The following RUNX1T1 variants were observed in gnomAD, a reference collection of about 807,000 sequenced individuals.
RUNX1T1 encodes RUNX1 partner transcriptional co-repressor 1.
In RUNX1T1, 4 loss-of-function variants were observed where a neutral mutation model predicts 62.8. That is an observed-to-expected ratio of 0.06 (90% confidence interval 0.03 to 0.15). The LOEUF (loss-of-function observed/expected upper bound fraction) is 0.15, where lower values mean the gene tolerates loss of function less well. Among genes scored for constraint, RUNX1T1 ranks in the 10% least tolerant of loss-of-function variants. The pLI, the probability that RUNX1T1 is intolerant of heterozygous loss-of-function variation, is 1.00. For missense variants in RUNX1T1, 508 were observed against 754.3 expected, an observed-to-expected ratio of 0.67 and a Z score of 3.82; for synonymous variants, 291 against 286.0, an observed-to-expected ratio of 1.02 and a Z score of -0.18.
chr8:92,096,270 T>A (rs572247418), intron 1 of RUNX1T1, among the ~76,000 whole-genome samples: 2 of 152,270 alleles, frequency 1.3e-5, no homozygotes, highest in Admixed American at 1.3e-4. Flanking sequence ...AGGCTCCTTA[T>A]GTGTGCATCT....
upstream of RUNX1T1, among the ~76,000 whole-genome samples, chr8:92,064,146 C>T (rs1832511225): frequency 6.6e-6 from 1 of 152,152 alleles, no homozygotes; most frequent in Non-Finnish European, 1.5e-5. Context: ...CAACCTGTTT[C>T]AAAGCATACC....
chr8:92,086,459 C>A (rs1836138498), intron 1 of RUNX1T1, among the ~76,000 whole-genome samples: 1 of 152,198 alleles, frequency 6.6e-6, no homozygotes, highest in African/African-American at 2.4e-5. Context: ...AGAGGCAAAA[C>A]ACATGAGGGA....
intron 2 of RUNX1T1, among the ~76,000 whole-genome samples, chr8:92,068,571 T>G (rs1421335651): frequency 6.6e-6 from 1 of 152,060 alleles, no homozygotes; most frequent in East Asian, 1.9e-4. Context: ...CTTGTACGCT[T>G]GCAACAATAA....
At chr8:92,034,817 C>CGT (rs1827086036) in intron 1 of RUNX1T1, among the ~76,000 whole-genome samples, 40 of 110,774 alleles carry the variant, frequency 3.6e-4, no homozygotes, top group African/African-American at 1.5e-3. Context: ...CACACACACA[C>CGT]ACACACACAC....
chr8:91,985,776 G>T (rs1319912522), intron 8 of RUNX1T1, among the ~76,000 whole-genome samples: 4 of 152,134 alleles, frequency 2.6e-5, no homozygotes, highest in African/African-American at 9.7e-5. Context: ...GACCTTGACG[G>T]AAGTGCCTAA....
At chr8:92,084,755 A>G (rs1416486637) in intron 1 of RUNX1T1, among the ~76,000 whole-genome samples, 2 of 152,158 alleles carry the variant, frequency 1.3e-5, no homozygotes, top group African/African-American at 4.8e-5. Context: ...TTCCCTGCAG[A>G]AAGAGCTTAG....
At chr8:92,005,247 G>A (rs1173766710) in exon 5 of RUNX1T1, 1 of 1,613,814 alleles carries the variant, frequency 6.2e-7, no homozygotes, top group Non-Finnish European at 8.5e-7. Flanking sequence ...GGTTCTGTTT[G>A]GCCAGTCTTG....
chr8:91,984,530 T>C (rs1048152038), intron 8 of RUNX1T1, among the ~76,000 whole-genome samples: 1 of 152,196 alleles, frequency 6.6e-6, no homozygotes, highest in African/African-American at 2.4e-5. Flanking sequence ...TTCATTAGAA[T>C]GCCTAGCACA....
intron 1 of RUNX1T1, among the ~76,000 whole-genome samples, chr8:92,061,819 A>G (rs1587403857): frequency 6.6e-6 from 1 of 152,136 alleles, no homozygotes; most frequent in African/African-American, 2.4e-5. Context: ...GGCACAGGGC[A>G]ATTTAGACAG....
At chr8:92,021,722 G>A (rs761612248) in intron 1 of RUNX1T1, among the ~76,000 whole-genome samples, 13 of 151,936 alleles carry the variant, frequency 8.6e-5, no homozygotes, top group Non-Finnish European at 1.6e-4. Flanking sequence ...GAGATTGCAC[G>A]TTTTAAACCC....
chr8:92,047,032 G>T (rs1015702192), intron 1 of RUNX1T1, among the ~76,000 whole-genome samples: 1 of 152,116 alleles, frequency 6.6e-6, no homozygotes, highest in African/African-American at 2.4e-5. Flanking sequence ...TCAACCAAGC[G>T]CTGGGCAGCG....
intron 1 of RUNX1T1, chr8:92,062,435 G>T: frequency 8.2e-7 from 1 of 1,213,716 alleles, no homozygotes; most frequent in Non-Finnish European, 1.2e-6. Context: ...GCCTCTTCCT[G>T]CCCACATCAG....
chr8:92,089,743 C>A (rs1327856805), intron 1 of RUNX1T1, among the ~76,000 whole-genome samples: 1 of 151,850 alleles, frequency 6.6e-6, no homozygotes, highest in Non-Finnish European at 1.5e-5. Context: ...AAAAAGGAAT[C>A]GTAAAAACAA....
At chr8:92,100,160 C>G, upstream of RUNX1T1, among the ~76,000 whole-genome samples, 1 of 151,856 alleles carries the variant, frequency 6.6e-6, no homozygotes, top group Non-Finnish European at 1.5e-5. Context: ...TAGAAAGGAC[C>G]TTTTAAAGAT....
At chr8:91,979,833 G>A (rs1814818070) in intron 8 of RUNX1T1, 1 of 531,714 alleles carries the variant, frequency 1.9e-6, no homozygotes, top group Non-Finnish European at 3.6e-6. Context: ...CAATATACAT[G>A]AAGGGATGAG....
intron 1 of RUNX1T1, among the ~76,000 whole-genome samples, chr8:92,057,578 C>A (rs1337495621): frequency 1.3e-5 from 2 of 152,154 alleles, no homozygotes; most frequent in Non-Finnish European, 2.9e-5. Flanking sequence ...TCAGAGACAG[C>A]AGTTATATAT....
chr8:92,067,054 A>T (rs1832978969), upstream of RUNX1T1, among the ~76,000 whole-genome samples: 1 of 152,336 alleles, frequency 6.6e-6, no homozygotes, highest in Non-Finnish European at 1.5e-5. Flanking sequence ...ATGACAAAAG[A>T]ACAGGAGACA....
chr8:92,023,993 A>G lies in RUNX1T1; in HGVS notation c.8-6630T>C, dbSNP rs985777571. ...GTCTACAGCACAAAAGCCAGCAACT[A>G]ACAGGCAGAAAAAAGCAAAGAGAAG... On this transcript the variant is annotated intron_variant, in intron 1 of 10. Coordinates refer to ENST00000396218, the Ensembl canonical transcript of RUNX1T1. Among the ~76,000 whole-genome samples the G allele has an allele frequency of 7.9e-5, 12 of 152,290 alleles. 2 individuals are homozygous for G. The highest frequency in any genetic ancestry group is 4.6e-4 in the Admixed American group (7 of 15,306).
At chr8:92,017,587 T>C in intron 1 of RUNX1T1, 2 of 1,407,776 alleles carry the variant, frequency 1.4e-6, no homozygotes, top group South Asian at 1.5e-5. Flanking sequence ...GGTTATATTA[T>C]ATCCTATTGT....
Sources: allele counts gnomAD v4.1 joint callset (sites outside exome capture counted in the v4.1 genomes callset), GRCh38; gene constraint gnomAD v4.1.1; transcripts MANE v1.5; gene names NCBI Gene and HGNC (gene_info 2026-07-23, HGNC 2026-07-21).